The following ITGAX variants were observed in gnomAD, a reference collection of about 807,000 sequenced individuals.
The protein encoded by ITGAX is integrin alpha-X.
ITGAX carries 99 observed loss-of-function variants against 140.2 expected under a neutral mutation model. The ratio of observed to expected loss-of-function variants is 0.71; its 90% CI spans 0.60 to 0.83. The LOEUF is 0.83. Among genes scored for constraint, ITGAX ranks in the 40% least tolerant of loss-of-function variants. ITGAX has a pLI of 0.00. For synonymous variants in ITGAX, 631 were observed against 600.4 expected (o/e 1.05, Z -0.75); for missense variants, 1,444 against 1,482.0 (o/e 0.97, Z 0.42).
chr16:31,380,870 G>T, intron 28 of ITGAX, 27 bp from the exon 29 acceptor site: 1 of 1,590,762 alleles, frequency 6.3e-7, no homozygotes, highest in Non-Finnish European at 8.6e-7. Context: ...GGATGGGAGT[G>T]CTCTGACAGG....
At chr16:31,366,339 C>T (rs887861772) in intron 14 of ITGAX, among the ~76,000 whole-genome samples, 3 of 152,160 alleles carry the variant, frequency 2.0e-5, no homozygotes, top group Admixed American at 6.5e-5. Context: ...TATATGAAGG[C>T]GAACTTCATA....
At chr16:31,356,254 C>T (rs552309205) in intron 2 of ITGAX, 18 of 478,282 alleles carry the variant, frequency 3.8e-5, no homozygotes, top group South Asian at 3.0e-4. Flanking sequence ...AGGAATCAGT[C>T]GTGCAACAAA....
chr16:31,361,299 A>G (rs921425068), intron 9 of ITGAX, 86 bp downstream of exon 9: 2 of 1,419,372 alleles, frequency 1.4e-6, no homozygotes, highest in African/African-American at 1.4e-5. Context: ...TGAAACAGGT[A>G]GACAGCGTCT....
chr16:31,373,104 GAAGAA>G (rs2080987305), intron 19 of ITGAX, 140 bp from the exon 20 acceptor site: 6 of 82,458 alleles, frequency 7.3e-5, no homozygotes, highest in African/African-American at 3.5e-4. Flanking sequence ...TAAAAAAAAA[GAAGAA>G]GAAGAAGAAG....
chr16:31,377,378 T>A, intron 23 of ITGAX, 113 bp downstream of exon 23: 1 of 836,348 alleles, frequency 1.2e-6, no homozygotes, highest in Non-Finnish European at 1.9e-6. Context: ...TGTTTGAAAC[T>A]AAAAGGTCAG....
Position 31,371,164 on chromosome 16 carries a change from T to G in ITGAX, c.1791T>G (p.Asp597Glu). The stretch of plus-strand genomic sequence containing the variant: ...GCGGGGGTCAAGACCTCACCCAGGA[T>G]GGACTGGTGGACCTGGCTGTGGGGG... ...ALSGGQDLTQ[D>E]GLVDLAVGAR... Residue 597 changes from aspartate (D) to glutamate (E), a missense_variant, in exon 15 of 30, where the codon GAT becomes GAG. Asp to Glu is a conservative substitution (Grantham distance 45). Coordinates refer to ENST00000268296, the MANE Select transcript of ITGAX (RefSeq NM_000887.5). 1 of 1,613,434 alleles carries G rather than the reference T, an allele frequency of 6.2e-7. No individual in the cohort carries two copies. Among genetic ancestry groups the G allele is most frequent in the Non-Finnish European group, 8.5e-7 (1 of 1,179,706 alleles).
chr16:31,380,865 G>A, intron 28 of ITGAX, 32 bp from the exon 29 acceptor site: 1 of 1,574,378 alleles, frequency 6.4e-7, no homozygotes, highest in South Asian at 1.1e-5. Flanking sequence ...TAGGAGGATG[G>A]GAGTGCTCTG....
At position 31,363,090 on chromosome 16, in the gene ITGAX, G is replaced by A. The variant is rs746688221; in HGVS notation, c.1500+15G>A. On this transcript the variant is annotated intron_variant, in intron 13 of 29. Transcript: ENST00000268296. Reference sequence around the variant, plus strand: ...TGCCCAGGGGGGTGAGTGGCTGATGGGCCTGGGGTGGGTGGGGTCTGGTGT... The same window carrying A: ...TGCCCAGGGGGGTGAGTGGCTGATGAGCCTGGGGTGGGTGGGGTCTGGTGT... 1.2e-6 allele frequency: 2 copies of A among 1,606,002 alleles called. No homozygotes were observed. The highest frequency in any genetic ancestry group is 3.4e-5 in the Admixed American group (2 of 58,538).
intron 27 of ITGAX, 40 bp from the exon 28 acceptor site, chr16:31,380,483 C>G (rs750770617): frequency 6.2e-7 from 1 of 1,612,680 alleles, no homozygotes. Flanking sequence ...TGAGCCTCCC[C>G]CAGAGCCAGT....
At position 31,356,748 on chromosome 16, in the gene ITGAX, G is replaced by C; in HGVS notation, c.247+20G>C. 6.5e-7 allele frequency: 1 copy of C among 1,537,700 alleles called. No individual in the cohort carries two copies. Among genetic ancestry groups the C allele is most frequent in the Middle Eastern group, 1.9e-4 (1 of 5,156 alleles). ...TGCAGGGTGAGTCACCGCCCCTCCCGGGACCCAGGGCCGGGCTCCCAGGCT... is the reference window on the plus strand; with the variant it reads ...TGCAGGGTGAGTCACCGCCCCTCCCCGGACCCAGGGCCGGGCTCCCAGGCT... On this transcript the variant is annotated intron_variant, in intron 3 of 29. Transcript: ENST00000268296.
chr16:31,372,168 G>T (rs539087612), intron 17 of ITGAX, among the ~76,000 whole-genome samples: 37 of 151,718 alleles, frequency 2.4e-4, no homozygotes, highest in Admixed American at 5.2e-4. Flanking sequence ...GGAGGTCTGG[G>T]GGGGGGGAGG....
chr16:31,362,241 T>C, intron 11 of ITGAX, 37 bp downstream of exon 11: 3 of 1,576,500 alleles, frequency 1.9e-6, no homozygotes, highest in South Asian at 2.2e-5. Context: ...AGGTGGGAGA[T>C]GCACTGCCCA....
chr16:31,380,166 G>A, intron 26 of ITGAX, 100 bp from the exon 27 acceptor site: 1 of 1,520,676 alleles, frequency 6.6e-7, no homozygotes. Flanking sequence ...GTACCCTCTT[G>A]CATTCGGATA....
chr16:31,382,301 A>C lies in ITGAX; in HGVS notation c.*394A>C, dbSNP rs867724661. The C allele has an allele frequency of 4.6e-6, 5 of 1,097,982 alleles. No homozygotes were observed. The African/African-American group carries it at 8.8e-5, about 19-fold the overall frequency. The allele number at this position is 1,097,982 out of a possible 1,614,324, so 68.0% of individuals were successfully genotyped here. ...CGCTCTGTCACCCAGGCTGGAGTGC[A>C]ATGGCGTGATCTCGGCTCACTGCAA... is the stretch of plus-strand genomic sequence containing the variant. On this transcript the variant is annotated 3_prime_UTR_variant, in exon 30 of 30. Coordinates refer to ENST00000268296, the MANE Select transcript of ITGAX (RefSeq NM_000887.5).
At position 31,380,290 on chromosome 16, in the gene ITGAX, C is replaced by G; in HGVS notation, c.3085C>G (p.Arg1029Gly). 6.2e-7 allele frequency: 1 copy of G among 1,614,144 alleles called. No homozygotes were observed. The part of the protein sequence containing the change: ...VLDCSIAGCL[R>G]FRCDVPSFSV... ...GGACTGCTCCATTGCTGGCTGCCTG[C>G]GGTTCCGCTGTGACGTCCCCTCCTT... The change falls in exon 27 of 30, where the codon CGG (arginine) becomes GGG (glycine). Residue 1029 changes from arginine to glycine, a missense_variant. Transcript: ENST00000268296.
chr16:31,372,783 T>A (rs776067927), intron 19 of ITGAX, 113 bp downstream of exon 19: 13 of 1,078,212 alleles, frequency 1.2e-5, no homozygotes, highest in African/African-American at 3.1e-5. Flanking sequence ...AAAACCCAGG[T>A]GTCTTGGCTG....
chr16:31,360,910 A>G (rs569789881), intron 8 of ITGAX, 153 bp from the exon 9 acceptor site: 1 of 700,346 alleles, frequency 1.4e-6, no homozygotes, highest in East Asian at 2.7e-5. Context: ...CCTTTCTCCT[A>G]AACTCCCTGA....
At chr16:31,375,180 T>C (rs1242269622) in intron 20 of ITGAX, among the ~76,000 whole-genome samples, 1 of 152,168 alleles carries the variant, frequency 6.6e-6, no homozygotes, top group Non-Finnish European at 1.5e-5. Context: ...CACGCCCAGC[T>C]AAGTTTTGCA....
chr16:31,380,919 A>G lies in ITGAX; in HGVS notation c.3299A>G (p.Tyr1100Cys), dbSNP rs763814699. 1.9e-6 allele frequency: 3 copies of G among 1,614,144 alleles called. No homozygotes were observed. The highest frequency in any genetic ancestry group is 2.5e-6 in the Non-Finnish European group (3 of 1,180,000). Reference sequence around the variant, plus strand: ...CAGACGACAACGGTGCTGGAGAAGTACAAGGTCCACAACCCCACCCCCCTC... The same window carrying G: ...CAGACGACAACGGTGCTGGAGAAGTGCAAGGTCCACAACCCCACCCCCCTC... ...RAQTTTVLEK[Y>C]KVHNPTPLIV... Residue 1100 changes from tyrosine to cysteine, a missense_variant, in exon 29 of 30, where the codon TAC becomes TGC. Transcript: ENST00000268296.
Sources: gnomAD v4.1 joint callset for allele counts (sites outside exome capture counted in the v4.1 genomes callset) on GRCh38, gnomAD v4.1.1 for gene constraint, MANE v1.5 for transcripts, NCBI Gene and HGNC (gene_info 2026-07-23, HGNC 2026-07-21) for gene names.